Variants in SYT7 observed in about 807,000 individuals in gnomAD.
The protein encoded by SYT7 is synaptotagmin 7, also known as synaptotagmin-7.
In SYT7, 29 loss-of-function variants were observed where a neutral mutation model predicts 75.1. The observed-to-expected ratio is 0.39, with a 90% CI of 0.29 to 0.53. The LOEUF is 0.53. Ranked by LOEUF, SYT7 falls within the 20% of genes least tolerant of loss-of-function variation. The pLI, the probability that SYT7 is intolerant of heterozygous loss-of-function variation, is 0.77. For missense variants in SYT7, 693 were observed against 953.2 expected (o/e 0.73, Z 3.59); for synonymous variants, 376 against 401.7 (o/e 0.94, Z 0.76).
chr11:61,565,025 G>A (rs555267281), intron 1 of SYT7, among the ~76,000 whole-genome samples: 6 of 152,154 alleles, frequency 3.9e-5, no homozygotes, highest in East Asian at 1.9e-4. Context: ...CCACTACTCC[G>A]GAGATAAAGC....
rs1296679178 is a variant in SYT7, at chr11:61,524,586, C to A, written c.1472-54G>T. The A allele has an allele frequency of 1.3e-6, 2 of 1,511,254 alleles. No homozygotes were observed. The highest frequency in any genetic ancestry group is 1.8e-6 in the Non-Finnish European group (2 of 1,126,310). The allele number at this position is 1,511,254 out of a possible 1,614,324, so 93.6% of individuals were successfully genotyped here. A position where few individuals can be genotyped will look rare whatever the true frequency, so the allele number is the denominator to read the frequency against. On this transcript the variant is annotated intron_variant, in intron 9 of 12. Transcript: ENST00000539008. The surrounding 1 kb of genome is among the most constrained non-coding windows in gnomAD (Gnocchi z 4.1). Reference sequence around the variant, plus strand: ...AGGGGGACAGAGGGGCTGCACGGGGCCCGGGAGGCAAGGAAGGCCCTGGGA... The same window carrying A: ...AGGGGGACAGAGGGGCTGCACGGGGACCGGGAGGCAAGGAAGGCCCTGGGA...
At position 61,514,658 on chromosome 11, in the gene SYT7, C is replaced by T. The variant is rs1326286869; in HGVS notation, c.*3969G>A. Among the ~76,000 whole-genome samples, 1 of 152,144 alleles carries T rather than the reference C, an allele frequency of 6.6e-6. No homozygotes were observed. Among genetic ancestry groups the T allele is most frequent in the African/African-American group, 2.4e-5 (1 of 41,428 alleles). ...ATTGCTTTGTTGTGGCCAGAAGAAACAGGTGGAAGGAAAGAGCTTGCCCAG... is the reference window on the plus strand; with the variant it reads ...ATTGCTTTGTTGTGGCCAGAAGAAATAGGTGGAAGGAAAGAGCTTGCCCAG... On this transcript the variant is annotated 3_prime_UTR_variant, in exon 13 of 13. Transcript: ENST00000539008.
chr11:61,545,642 T>C (rs1220978894), intron 5 of SYT7, among the ~76,000 whole-genome samples: 1 of 152,140 alleles, frequency 6.6e-6, no homozygotes, highest in African/African-American at 2.4e-5. Context: ...GTGGGCCAGA[T>C]ACCCAGGATG....
chr11:61,571,985 C>G (rs1464541724), intron 1 of SYT7, among the ~76,000 whole-genome samples: 4 of 152,216 alleles, frequency 2.6e-5, no homozygotes, highest in African/African-American at 9.6e-5. Context: ...TATCCCCGGT[C>G]CCTGCTCTCT....
At chr11:61,578,349 G>A (rs2064142641) in intron 1 of SYT7, among the ~76,000 whole-genome samples, 1 of 152,132 alleles carries the variant, frequency 6.6e-6, no homozygotes, top group East Asian at 1.9e-4. Flanking sequence ...GAGGCAAAGG[G>A]GAGCAGGAGA....
At chr11:61,569,465 A>G (rs1037081713) in intron 1 of SYT7, among the ~76,000 whole-genome samples, 37 of 152,090 alleles carry the variant, frequency 2.4e-4, no homozygotes, top group Non-Finnish European at 4.4e-4. Flanking sequence ...GAGCCTGAAC[A>G]TGTCCATGCA....
At position 61,524,127 on chromosome 11, in the gene SYT7, G is replaced by A. The variant is rs80154498; in HGVS notation, c.1642-186C>T. On this transcript the variant is annotated intron_variant, in intron 10 of 12. Transcript: ENST00000539008. The surrounding 1 kb of genome is among the most constrained non-coding windows in gnomAD (Gnocchi z 4.1). ...TACTGCCCCTCCCAGGGTCACCATC[G>A]CCTCCCTGTTCCCTGAACATAGCCC... Among the ~76,000 whole-genome samples the A allele has an allele frequency of 3.2e-3, 489 of 152,196 alleles. 4 individuals carry two copies. Among genetic ancestry groups the A allele is most frequent in the African/African-American group, 0.011 (466 of 41,502 alleles).
rs1462183621 is a variant in SYT7, at chr11:61,542,339, C to T, written c.813G>A (p.Gln271=). 3.9e-6 allele frequency: 6 copies of T among 1,531,012 alleles called. No homozygotes were observed. In the South Asian group the frequency reaches 7.2e-5, roughly 18 times the overall value. The allele number at this position is 1,531,012 out of a possible 1,614,324, so 94.8% of individuals were successfully genotyped here. The change falls in exon 6 of 13, where the codon CAG becomes CAA. Residue 271 remains glutamine, a synonymous_variant. Transcript: ENST00000539008. The surrounding 1 kb of genome is among the most constrained non-coding windows in gnomAD (Gnocchi z 7.8). ...GPNPRAYGRG[Q]ARQGTSAGSK... is the part of the protein sequence containing the mutation. The stretch of plus-strand genomic sequence containing the variant: ...AGCCGGCCGAGGTGCCCTGCCGAGC[C>T]TGGCCCCGGCCATAGGCCCGGGGGT...
chr11:61,517,812 T>G lies in SYT7; in HGVS notation c.*815A>C. 2 of 297,608 alleles carry G rather than the reference T, an allele frequency of 6.7e-6. No homozygotes were observed. The highest frequency in any genetic ancestry group is 6.1e-6 in the Non-Finnish European group (1 of 163,430). The allele number at this position is 297,608 out of a possible 1,614,324, so 18.4% of individuals were successfully genotyped here. A position where few individuals can be genotyped will look rare whatever the true frequency, so the allele number is the denominator to read the frequency against. ...TTGCTGAGGAGGGAACTACTTCAGA[T>G]TCTGAGCAGAGGGGGGCACCAAGGG... On this transcript the variant is annotated 3_prime_UTR_variant, in exon 13 of 13. Coordinates refer to ENST00000539008, the MANE Select transcript of SYT7 (RefSeq NM_001365809.2).
chr11:61,549,973 C>T (rs1297456330), intron 3 of SYT7, among the ~76,000 whole-genome samples: 3 of 152,328 alleles, frequency 2.0e-5, no homozygotes, highest in South Asian at 2.1e-4. Context: ...AGCCCTGGCC[C>T]GCGGCTGTAA....
chr11:61,553,739 T>G lies in SYT7; in HGVS notation c.136-2276A>C, dbSNP rs1208029384. 6.6e-6 allele frequency among the ~76,000 whole-genome samples: 1 copy of G among 151,894 alleles called. No homozygotes were observed. The highest frequency in any genetic ancestry group is 1.5e-5 in the Non-Finnish European group (1 of 67,980). ...CACCAGCCTGCTTCTCAGGGAGGGG[T>G]GGCCAGGCTGATCCGGAAAAAGCCA... On this transcript the variant is annotated intron_variant, in intron 2 of 12. Coordinates refer to ENST00000539008, the MANE Select transcript of SYT7 (RefSeq NM_001365809.2). The surrounding 1 kb of genome is among the most constrained non-coding windows in gnomAD (Gnocchi z 5.2).
At chr11:61,564,763 A>G (rs1353048704) in intron 1 of SYT7, among the ~76,000 whole-genome samples, 2 of 152,164 alleles carry the variant, frequency 1.3e-5, no homozygotes, top group Admixed American at 6.5e-5. Flanking sequence ...CCATGCCCAA[A>G]TTACCCCAGG....
At position 61,542,254 on chromosome 11, in the gene SYT7, C is replaced by A; in HGVS notation, c.898G>T (p.Val300Leu). The A allele has an allele frequency of 6.5e-7, 1 of 1,535,256 alleles. No homozygotes were observed. The highest frequency in any genetic ancestry group is 2.5e-5 in the East Asian group (1 of 40,764). The change falls in exon 6 of 13, where the codon GTG becomes TTG. Residue 300 changes from valine to leucine, a missense_variant. By Grantham distance (32) the Val-to-Leu change is conservative (BLOSUM62 1). Transcript: ENST00000539008. This position sits in a 1 kb window ranked among gnomAD's most constrained non-coding sequence, Gnocchi z 7.8. ...AAGCCTCGGTTTCGAATCTGCCCCACCACGTGGTCCCAGCTGCCTGGGTTG... is the reference window on the plus strand; with the variant it reads ...AAGCCTCGGTTTCGAATCTGCCCCAACACGTGGTCCCAGCTGCCTGGGTTG... The part of the protein sequence containing the change: ...RSNPGSWDHV[V>L]GQIRNRGLDM...
In SYT7 at chr11:61,542,559, G is replaced by A; in HGVS notation, c.593C>T (p.Ser198Phe). 1 of 1,515,926 alleles carries A rather than the reference G, an allele frequency of 6.6e-7. No individual in the cohort carries two copies. The highest frequency in any genetic ancestry group is 8.8e-7 in the Non-Finnish European group (1 of 1,135,170). The allele number at this position is 1,515,926 out of a possible 1,614,324, so 93.9% of individuals were successfully genotyped here. Residue 198 changes from serine to phenylalanine, a missense_variant, in exon 6 of 13, where the codon TCC becomes TTC. Physicochemically the swap from Ser to Phe is radical, Grantham distance 155. This residue lies in a region of SYT7 where 487 missense variants were observed against 593.2 expected (regional missense o/e 0.82). Coordinates refer to ENST00000539008, the MANE Select transcript of SYT7 (RefSeq NM_001365809.2). The surrounding 1 kb of genome is among the most constrained non-coding windows in gnomAD (Gnocchi z 7.8). Reference protein sequence around the residue: ...NLSNFEDSTLSTATTLESIPS... With the variant: ...NLSNFEDSTLFTATTLESIPS... ...GATAGACTCAAGGGTAGTGGCCGTG[G>A]ACAGGGTGGAGTCCTCGAAACTTGG...
In SYT7 at chr11:61,528,194, G is replaced by A. The variant is rs372510554; in HGVS notation, c.1201-9C>T. ...TCGGAGCCTGGGGAGAGCTGGGGGTGGGGGAGAGGCCGGCAGGGTTTGGGG... is the reference window on the plus strand; with the variant it reads ...TCGGAGCCTGGGGAGAGCTGGGGGTAGGGGAGAGGCCGGCAGGGTTTGGGG... On this transcript the variant is annotated splice_polypyrimidine_tract_variant and intron_variant, in intron 8 of 12. Coordinates refer to ENST00000539008, the MANE Select transcript of SYT7 (RefSeq NM_001365809.2). 13 of 1,609,182 alleles carry A rather than the reference G, an allele frequency of 8.1e-6. No homozygotes were observed. Among genetic ancestry groups the A allele is most frequent in the Admixed American group, 5.0e-5 (3 of 59,982 alleles).
chr11:61,557,100 G>C (rs2063519046), intron 1 of SYT7, among the ~76,000 whole-genome samples: 1 of 152,152 alleles, frequency 6.6e-6, no homozygotes, highest in Non-Finnish European at 1.5e-5. Flanking sequence ...TGTAAATGCA[G>C]ATCAGACCTC....
At position 61,557,131 on chromosome 11, in the gene SYT7, G is replaced by A. The variant is rs777307370; in HGVS notation, c.32-924C>T. On this transcript the variant is annotated intron_variant, in intron 1 of 12. Coordinates refer to ENST00000539008, the MANE Select transcript of SYT7 (RefSeq NM_001365809.2). The stretch of plus-strand genomic sequence containing the variant: ...ACCTCCTCCCCCGCCCTCCTCATGG[G>A]TGATTGTAAACATTAGCCCAAACCA... Among the ~76,000 whole-genome samples the A allele has an allele frequency of 4.6e-5, 7 of 152,250 alleles. No homozygotes were observed. The East Asian group carries it at 1.2e-3, about 25-fold the overall frequency.
intron 1 of SYT7, among the ~76,000 whole-genome samples, chr11:61,577,097 T>C (rs571839424): frequency 3.9e-5 from 6 of 152,304 alleles, no homozygotes; most frequent in African/African-American, 1.4e-4. Flanking sequence ...AGCGGGCAGC[T>C]TGTTGATCAA....
upstream of SYT7, among the ~76,000 whole-genome samples, chr11:61,581,308 C>T (rs1222735014): frequency 1.3e-5 from 2 of 149,546 alleles, no homozygotes; most frequent in East Asian, 3.9e-4. Context: ...CTCGCAGTCC[C>T]CGCGGGGAGG....
Sources: allele counts gnomAD v4.1 joint callset (sites outside exome capture counted in the v4.1 genomes callset), GRCh38; gene constraint gnomAD v4.1.1; regional missense constraint gnomAD v4.1.1; non-coding constraint Gnocchi (gnomAD v3.1); transcripts MANE v1.5; gene names NCBI Gene and HGNC (gene_info 2026-07-23, HGNC 2026-07-21).